The following NTRK3 variants were observed in gnomAD, a reference collection of about 807,000 sequenced individuals.
NTRK3 encodes NT-3 growth factor receptor.
Under a neutral mutation model 91.7 loss-of-function variants are expected in NTRK3, and 24 were observed. That is an observed-to-expected ratio of 0.26 (90% confidence interval 0.19 to 0.37). The LOEUF is 0.37. Among genes scored for constraint, NTRK3 ranks in the 10% least tolerant of loss-of-function variants. The pLI, the probability that NTRK3 is intolerant of heterozygous loss-of-function variation, is 1.00. For synonymous variants in NTRK3, 483 were observed against 404.0 expected (o/e 1.20, Z -2.34); for missense variants, 880 against 1,068.9 (o/e 0.82, Z 2.46).
intron 13 of NTRK3, among the ~76,000 whole-genome samples, chr15:88,074,539 C>G (rs16941216): frequency 6.6e-6 from 1 of 152,120 alleles, no homozygotes; most frequent in African/African-American, 2.4e-5. Flanking sequence ...ACTCAAGCTC[C>G]GAGAGAAGTG....
chr15:87,958,575 C>G (rs115507105), intron 14 of NTRK3, among the ~76,000 whole-genome samples: 2 of 151,970 alleles, frequency 1.3e-5, no homozygotes, highest in Non-Finnish European at 2.9e-5. Flanking sequence ...GGCTCAAGCC[C>G]CTAGCCCAGG....
At chr15:88,224,364 G>A (rs1274307952) in intron 3 of NTRK3, among the ~76,000 whole-genome samples, 1 of 152,164 alleles carries the variant, frequency 6.6e-6, no homozygotes. Context: ...TTCCCAGCAT[G>A]AGAAGAACAT....
intron 13 of NTRK3, among the ~76,000 whole-genome samples, chr15:88,041,437 A>G (rs1178963113): frequency 1.3e-5 from 2 of 152,186 alleles, no homozygotes; most frequent in Non-Finnish European, 2.9e-5. Flanking sequence ...TTTGTGGACC[A>G]CCTTGAAGTT....
chr15:88,106,969 T>C (rs2050779653), intron 13 of NTRK3, among the ~76,000 whole-genome samples: 2 of 151,586 alleles, frequency 1.3e-5, no homozygotes, highest in South Asian at 4.2e-4. Flanking sequence ...GGAATATAGA[T>C]ACTCAGGTAC....
exon 19 of NTRK3, chr15:87,865,763 C>T (rs777651577): frequency 8.8e-6 from 2 of 226,670 alleles, no homozygotes; most frequent in East Asian, 6.3e-5. Context: ...TGTCAGAGTT[C>T]CAAGCCTGAA....
At chr15:88,032,960 C>A (rs2142021032) in exon 14 of NTRK3, 1 of 1,612,860 alleles carries the variant, frequency 6.2e-7, no homozygotes, top group African/African-American at 1.3e-5. Context: ...GCCCGGCATC[C>A]AGTGACGAGG....
At chr15:87,971,799 T>A (rs982793718) in intron 14 of NTRK3, among the ~76,000 whole-genome samples, 2 of 152,188 alleles carry the variant, frequency 1.3e-5, no homozygotes, top group African/African-American at 2.4e-5. Context: ...GCCCCATCCC[T>A]AGAAGAGCAC....
exon 19 of NTRK3, chr15:87,861,654 G>A (rs2064526975): frequency 5.1e-6 from 1 of 194,744 alleles, no homozygotes; most frequent in Non-Finnish European, 1.1e-5. Flanking sequence ...GGCTGAGAGT[G>A]GAAAATACAA....
intron 14 of NTRK3, among the ~76,000 whole-genome samples, chr15:87,959,751 C>T (rs561105415): frequency 3.3e-5 from 5 of 152,296 alleles, no homozygotes; most frequent in South Asian, 2.1e-4. Context: ...AAAAGGGCCA[C>T]GGAATCTACT....
intron 13 of NTRK3, among the ~76,000 whole-genome samples, chr15:88,047,279 C>T (rs1448491511): frequency 6.6e-6 from 1 of 152,056 alleles, no homozygotes; most frequent in Non-Finnish European, 1.5e-5. Context: ...TTCCATCTCA[C>T]CAGATAAAAT....
intron 3 of NTRK3, among the ~76,000 whole-genome samples, chr15:88,199,008 T>A (rs1222441609): frequency 6.6e-6 from 1 of 152,152 alleles, no homozygotes; most frequent in Non-Finnish European, 1.5e-5. Flanking sequence ...AGGGCTGATA[T>A]TTGAGACAAG....
At chr15:88,091,828 T>C (rs1409285273) in intron 13 of NTRK3, among the ~76,000 whole-genome samples, 1 of 152,216 alleles carries the variant, frequency 6.6e-6, no homozygotes, top group Non-Finnish European at 1.5e-5. Context: ...GCCAGCCTAG[T>C]GTCCCCAAGA....
intron 14 of NTRK3, among the ~76,000 whole-genome samples, chr15:87,944,068 A>C (rs2142049046): frequency 6.6e-6 from 1 of 152,274 alleles, no homozygotes; most frequent in South Asian, 2.1e-4. Context: ...TGACACCAAT[A>C]CCTGTCCTTA....
intron 14 of NTRK3, among the ~76,000 whole-genome samples, chr15:87,951,848 C>T (rs547975550): frequency 2.8e-4 from 42 of 152,260 alleles, no homozygotes; most frequent in East Asian, 2.1e-3. Flanking sequence ...AAGACTTGGC[C>T]GGGTGTGGTG....
chr15:87,974,504 T>G (rs2073547324), intron 14 of NTRK3, among the ~76,000 whole-genome samples: 1 of 151,424 alleles, frequency 6.6e-6, no homozygotes. Flanking sequence ...AGGATCAGGT[T>G]GGTCTCATCC....
chr15:87,968,867 G>A (rs967312737), intron 14 of NTRK3, among the ~76,000 whole-genome samples: 2 of 152,172 alleles, frequency 1.3e-5, no homozygotes, highest in African/African-American at 2.4e-5. Flanking sequence ...ATCAGGATAT[G>A]ATTATCAACA....
intron 6 of NTRK3, among the ~76,000 whole-genome samples, chr15:88,146,921 GAAT>G (rs1201753974): frequency 2.0e-5 from 3 of 151,944 alleles, no homozygotes; most frequent in Non-Finnish European, 4.4e-5. Flanking sequence ...AAAATGCAGA[GAAT>G]AATAATATCT....
chr15:88,095,451 T>A (rs1229297730), intron 13 of NTRK3, among the ~76,000 whole-genome samples: 1 of 152,092 alleles, frequency 6.6e-6, no homozygotes, highest in Non-Finnish European at 1.5e-5. Context: ...ACTTACAGGG[T>A]GTCAATGTTG....
chr15:88,000,383 GT>G (rs906020920), intron 14 of NTRK3, among the ~76,000 whole-genome samples: 1 of 152,090 alleles, frequency 6.6e-6, no homozygotes, highest in Non-Finnish European at 1.5e-5. Flanking sequence ...ACCAGGCAGG[GT>G]TTTTTTCTCT....
Sources: gnomAD v4.1 joint callset for allele counts (sites outside exome capture counted in the v4.1 genomes callset) on GRCh38, gnomAD v4.1.1 for gene constraint, MANE v1.5 for transcripts, NCBI Gene and HGNC (gene_info 2026-07-23, HGNC 2026-07-21) for gene names.